The following PCDHGA5 variants were observed in gnomAD, a reference collection of about 807,000 sequenced individuals.
PCDHGA5 encodes the protein protocadherin gamma-A5.
In PCDHGA5, 36 loss-of-function variants were observed where a neutral mutation model predicts 56.7. The ratio of observed to expected loss-of-function variants is 0.64; its 90% CI spans 0.49 to 0.84. The LOEUF (loss-of-function observed/expected upper bound fraction) is 0.84, where lower values mean the gene tolerates loss of function less well. PCDHGA5 is among the 40% of genes least tolerant of loss of function. PCDHGA5 has a pLI of 0.00. For missense variants in PCDHGA5, 1,305 were observed against 1,201.5 expected, an observed-to-expected ratio of 1.09 and a Z score of -1.27; for synonymous variants, 563 against 520.2, an observed-to-expected ratio of 1.08 and a Z score of -1.12.
intron 1 of PCDHGA5, among the ~76,000 whole-genome samples, chr5:141,471,744 A>G (rs2099263733): frequency 6.6e-6 from 1 of 152,208 alleles, no homozygotes; most frequent in South Asian, 2.1e-4. Context: ...GAGACATAAC[A>G]TATTTGAGGG....
At chr5:141,372,803 G>A (rs539583252) in intron 1 of PCDHGA5, 71 of 1,593,016 alleles carry the variant, frequency 4.5e-5, no homozygotes, top group Non-Finnish European at 6.1e-5. Flanking sequence ...CAGGCAATTT[G>A]CAAAAGGTGA....
Position 141,366,697 on chromosome 5 carries a change from G to A in PCDHGA5, c.2367G>A (p.Glu789=). ...LLSEESCEKS[E]PLLMSDKVDA... is the part of the protein sequence containing the mutation. Reference sequence around the variant, plus strand: ...GTGAAGAGAGCTGTGAGAAAAGCGAGCCTCTTCTGATGTCTGATAAGGTAG... The same window carrying A: ...GTGAAGAGAGCTGTGAGAAAAGCGAACCTCTTCTGATGTCTGATAAGGTAG... The change falls in exon 1 of 4, where the codon GAG becomes GAA. Residue 789 remains glutamate, a synonymous_variant. Transcript: ENST00000518069. 6.2e-7 allele frequency: 1 copy of A among 1,614,250 alleles called. No homozygotes were observed. Among genetic ancestry groups the A allele is most frequent in the Non-Finnish European group, 8.5e-7 (1 of 1,180,042 alleles).
rs2099415271 is a variant in PCDHGA5, at chr5:141,477,659, G to A, written c.2422-17148G>A. 6.2e-7 allele frequency: 1 copy of A among 1,614,194 alleles called. No individual in the cohort carries two copies. The highest frequency in any genetic ancestry group is 1.3e-5 in the African/African-American group (1 of 75,046). ...GGGTCGCTATTTCACAATAAATCGT[G>A]ACAATGGCATAGTGTCATCCTTAGT... On this transcript the variant is annotated intron_variant, in intron 1 of 3. Transcript: ENST00000518069. The surrounding 1 kb of genome is among the most constrained non-coding windows in gnomAD (Gnocchi z 4.9).
chr5:141,482,160 T>G (rs577572891), intron 1 of PCDHGA5, among the ~76,000 whole-genome samples: 1 of 151,854 alleles, frequency 6.6e-6, no homozygotes, highest in Admixed American at 6.6e-5. Context: ...GTCAAAGATA[T>G]GTAAGATTAA....
At chr5:141,399,834 G>A (rs375768001) in intron 1 of PCDHGA5, 3 of 1,613,004 alleles carry the variant, frequency 1.9e-6, no homozygotes, top group African/African-American at 2.7e-5. Flanking sequence ...ACGGCTCTGC[G>A]CTCTTCGATA....
At chr5:141,382,188 C>A (rs1009846367) in intron 1 of PCDHGA5, among the ~76,000 whole-genome samples, 4 of 152,052 alleles carry the variant, frequency 2.6e-5, no homozygotes, top group Non-Finnish European at 4.4e-5. Context: ...AGGTTCTATA[C>A]AATCAAAAAT....
chr5:141,507,862 G>T (rs17286954), intron 3 of PCDHGA5, among the ~76,000 whole-genome samples: 20,426 of 152,154 alleles, frequency 0.13, 1,374 homozygotes, highest in Admixed American at 0.16. Context: ...TTTCACACCC[G>T]CTTCCTAGCC....
intron 1 of PCDHGA5, among the ~76,000 whole-genome samples, chr5:141,482,530 C>CAAAAAAAAAAAAAAAAAAAAAA (rs3074545): frequency 1.3e-5 from 1 of 76,562 alleles, no homozygotes. Context: ...GACAGACATG[C>CAAAAAAAAAAAAAAAAAAAAAA]AAAAAAAAAA....
At position 141,405,363 on chromosome 5, in the gene PCDHGA5, C is replaced by T. The variant is rs765508317; in HGVS notation, c.2421+38612C>T. The T allele has an allele frequency of 2.0e-5, 33 of 1,613,690 alleles. No individual in the cohort carries two copies. The highest frequency in any genetic ancestry group is 2.7e-5 in the African/African-American group (2 of 74,888). On this transcript the variant is annotated intron_variant, in intron 1 of 3. Coordinates refer to ENST00000518069, the MANE Select transcript of PCDHGA5 (RefSeq NM_018918.3). ...GATTCCAAGTTTCCTATAGAAGACACCCCTTTGGTTCCGGTGAGTTCATTT... is the reference window on the plus strand; with the variant it reads ...GATTCCAAGTTTCCTATAGAAGACATCCCTTTGGTTCCGGTGAGTTCATTT...
At chr5:141,415,189 A>G (rs575244490) in intron 1 of PCDHGA5, 2 of 1,613,958 alleles carry the variant, frequency 1.2e-6, no homozygotes, top group Non-Finnish European at 1.7e-6. Context: ...GGCCGACAGC[A>G]TCCCCCAAGT....
chr5:141,502,282 C>A (rs187281689), intron 2 of PCDHGA5, among the ~76,000 whole-genome samples: 1 of 151,848 alleles, frequency 6.6e-6, no homozygotes, highest in Non-Finnish European at 1.5e-5. Flanking sequence ...GCATAGATTG[C>A]ATTTGGTTGT....
chr5:141,466,812 G>T (rs1394979761), intron 1 of PCDHGA5, among the ~76,000 whole-genome samples: 1 of 151,940 alleles, frequency 6.6e-6, no homozygotes, highest in African/African-American at 2.4e-5. Flanking sequence ...ATTCAGACAT[G>T]GTATAACAAG....
chr5:141,374,365 G>C, intron 1 of PCDHGA5: 1 of 1,614,054 alleles, frequency 6.2e-7, no homozygotes, highest in Non-Finnish European at 8.5e-7. Flanking sequence ...ACCGCGAGGA[G>C]CTCTGTGCTC....
chr5:141,506,832 C>T (rs1398190563), intron 3 of PCDHGA5, among the ~76,000 whole-genome samples: 1 of 152,130 alleles, frequency 6.6e-6, no homozygotes, highest in African/African-American at 2.4e-5. Flanking sequence ...GAACTGATAG[C>T]CCTGCCCTCC....
intron 1 of PCDHGA5, chr5:141,384,170 C>A: frequency 6.2e-7 from 1 of 1,613,736 alleles, no homozygotes; most frequent in Non-Finnish European, 8.5e-7. Flanking sequence ...ACACTGAAAG[C>A]CACAGATGGT....
chr5:141,370,817 A>C, intron 1 of PCDHGA5: 1 of 1,614,046 alleles, frequency 6.2e-7, no homozygotes, highest in Non-Finnish European at 8.5e-7. Context: ...CTGAGCTGGA[A>C]ATCAGCGAAC....
At position 141,436,706 on chromosome 5, in the gene PCDHGA5, A is replaced by G. The variant is rs149478256; in HGVS notation, c.2422-58101A>G. 3.9e-3 allele frequency among the ~76,000 whole-genome samples: 587 copies of G among 152,318 alleles called. 6 individuals are homozygous for G. Among genetic ancestry groups the G allele is most frequent in the Admixed American group, 0.011 (169 of 15,304 alleles). On this transcript the variant is annotated intron_variant, in intron 1 of 3. Transcript: ENST00000518069. ...TATATTTTCAATGCCAGCACACTCG[A>G]TGTTCTGTTGGGAAAAATAATAATG...
chr5:141,371,305 T>C lies in PCDHGA5; in HGVS notation c.2421+4554T>C, dbSNP rs772021444. 1.8e-5 allele frequency: 29 copies of C among 1,613,822 alleles called. No individual in the cohort carries two copies. Among genetic ancestry groups the C allele is most frequent in the African/African-American group, 2.7e-5 (2 of 74,920 alleles). ...AGTAAAACGGGGGAACTCACCACTATTGGAGAACTGGACTTTGAAGAGAGA... is the reference window on the plus strand; with the variant it reads ...AGTAAAACGGGGGAACTCACCACTACTGGAGAACTGGACTTTGAAGAGAGA... On this transcript the variant is annotated intron_variant, in intron 1 of 3. Transcript: ENST00000518069.
At chr5:141,393,175 T>C in intron 1 of PCDHGA5, 2 of 1,613,210 alleles carry the variant, frequency 1.2e-6, no homozygotes, top group Non-Finnish European at 1.7e-6. Flanking sequence ...GGGGTAGAAA[T>C]AGAAATAATT....
Sources: allele counts gnomAD v4.1 joint callset (sites outside exome capture counted in the v4.1 genomes callset), GRCh38; gene constraint gnomAD v4.1.1; non-coding constraint Gnocchi (gnomAD v3.1); transcripts MANE v1.5; gene names NCBI Gene and HGNC (gene_info 2026-07-23, HGNC 2026-07-21).